The following PRC1 variants were observed in gnomAD, a reference collection of about 807,000 sequenced individuals.
The protein encoded by PRC1 is anaphase spindle elongation 1 homolog.
Under a neutral mutation model 91.2 loss-of-function variants are expected in PRC1, and 54 were observed. The observed-to-expected ratio is 0.59, with a 90% CI of 0.48 to 0.74. The LOEUF (loss-of-function observed/expected upper bound fraction) is 0.74. PRC1 is among the 30% of genes least tolerant of loss of function. PRC1 has a pLI of 0.00. For synonymous variants in PRC1, 275 were observed against 263.6 expected, an observed-to-expected ratio of 1.04 and a Z score of -0.42; for missense variants, 727 against 746.2, an observed-to-expected ratio of 0.97 and a Z score of 0.30.
In PRC1 at chr15:90,984,884, C is replaced by T; in HGVS notation, c.12-59G>A. On this transcript the variant is annotated intron_variant, in intron 1 of 14. Transcript: ENST00000394249. The surrounding 1 kb of genome is among the most constrained non-coding windows in gnomAD (Gnocchi z 5.1). ...TCAGTCACAGCCTCTGGACTAAAAG[C>T]ACTATTTTCGAGAACTAAAAAGACT... 1.3e-6 allele frequency: 2 copies of T among 1,584,298 alleles called. No homozygotes were observed. The highest frequency in any genetic ancestry group is 2.3e-5 in the South Asian group (2 of 86,472).
chr15:90,985,041 T>C (rs956536345), intron 1 of PRC1, among the ~76,000 whole-genome samples: 4 of 152,204 alleles, frequency 2.6e-5, no homozygotes, highest in African/African-American at 9.6e-5. Context: ...TATTACATCA[T>C]GGAAGCTCAA....
intron 1 of PRC1, among the ~76,000 whole-genome samples, chr15:90,990,074 C>T (rs1438910195): frequency 6.6e-6 from 1 of 152,080 alleles, no homozygotes; most frequent in African/African-American, 2.4e-5. Flanking sequence ...TGCGGTGGAT[C>T]ACTCCTGTAA....
intron 14 of PRC1, chr15:90,967,996 T>C: frequency 4.1e-6 from 4 of 985,130 alleles, no homozygotes; most frequent in Non-Finnish European, 4.8e-6. Context: ...CTGGAGCACA[T>C]GGTAGAGCAG....
intron 7 of PRC1, among the ~76,000 whole-genome samples, 180 bp from the exon 8 acceptor site, chr15:90,979,474 A>C (rs534883714): frequency 5.3e-5 from 8 of 152,336 alleles, no homozygotes; most frequent in African/African-American, 1.9e-4. Flanking sequence ...GCTTTGTCAC[A>C]ATCAGCCTGG....
At chr15:90,969,765 TATATATATATATATATATATATA>T (rs1212235957) in intron 12 of PRC1, 142 bp from the exon 13 acceptor site, 1 of 28,988 alleles carries the variant, frequency 3.4e-5, no homozygotes, top group Non-Finnish European at 4.6e-5. Flanking sequence ...AAAAAAAACA[TATATATATATATATATATATATA>T]TATATATATA....
rs375389789 is a variant in PRC1 at position 90,980,407 on chromosome 15, G to A, written c.823-18C>T. ...AATTGCAGCTGAAAGAAAGAAACTTGTTAAGGGTGGCTGCCATAGTTTTAT... is the reference window on the plus strand; with the variant it reads ...AATTGCAGCTGAAAGAAAGAAACTTATTAAGGGTGGCTGCCATAGTTTTAT... On this transcript the variant is annotated intron_variant, in intron 6 of 14. Transcript: ENST00000394249. 3.7e-6 allele frequency: 6 copies of A among 1,604,852 alleles called. No individual in the cohort carries two copies. In the South Asian group the frequency reaches 6.6e-5, roughly 18 times the overall value.
At chr15:90,968,227 A>G (rs2037707718) in intron 14 of PRC1, 4 of 985,354 alleles carry the variant, frequency 4.1e-6, no homozygotes, top group South Asian at 4.7e-5. Context: ...CTGTCCAGCA[A>G]TCAGCCAGAG....
chr15:90,990,288 A>G (rs1056788641), intron 1 of PRC1, among the ~76,000 whole-genome samples: 1 of 151,730 alleles, frequency 6.6e-6, no homozygotes, highest in Non-Finnish European at 1.5e-5. Flanking sequence ...GTGACCTGAG[A>G]TCACGTCACT....
In PRC1 at chr15:90,976,748, T is replaced by C; in HGVS notation, c.1131A>G (p.Arg377=). Residue 377 remains arginine, a synonymous_variant, in exon 9 of 15, where the codon CGA becomes CGG. Coordinates refer to ENST00000394249, the MANE Select transcript of PRC1 (RefSeq NM_003981.4). ...GAAGATTTCCTCCTCGGTTTGTAAA[T>C]CGATTTGGATCTGAAGCTTTTCTCT... is the stretch of plus-strand genomic sequence containing the variant. ...EFERKASDPN[R]FTNRGGNLLK... The C allele has an allele frequency of 6.2e-7, 1 of 1,613,340 alleles. No individual in the cohort carries two copies. Among genetic ancestry groups the C allele is most frequent in the South Asian group, 1.1e-5 (1 of 90,994 alleles).
intron 1 of PRC1, among the ~76,000 whole-genome samples, chr15:90,986,581 T>C (rs1000699513): frequency 9.2e-5 from 14 of 152,168 alleles, no homozygotes; most frequent in Non-Finnish European, 2.1e-4. Flanking sequence ...AAGGTTGCAG[T>C]GAGCCAAGAT....
At position 90,980,865 on chromosome 15, in the gene PRC1, TA is replaced by T; in HGVS notation, c.822+18del. 1 of 1,614,136 alleles carries T rather than the reference TA, an allele frequency of 6.2e-7. No homozygotes were observed. The highest frequency in any genetic ancestry group is 2.2e-5 in the East Asian group (1 of 44,878). On this transcript the variant is annotated intron_variant, in intron 6 of 14. Transcript: ENST00000394249. ...TGCTAAGAGAAGACTGCTGACCCAG[TA>T]CCCACTGGGTTTCTTACCGCTTTCC...
rs529114612 is a variant in PRC1, at chr15:90,967,330, T to C, written c.1792-128A>G. The C allele has an allele frequency of 6.7e-5, 47 of 704,646 alleles. 3 individuals are homozygous for C. In the South Asian group the frequency reaches 7.3e-4, roughly 11 times the overall value. 43.6% of individuals were successfully genotyped at this position (704,646 alleles called of 1,614,324 possible). On this transcript the variant is annotated intron_variant, in intron 14 of 14. Transcript: ENST00000394249. ...TTTCTCTGAGATCCCTAGCCTGCAA[T>C]AGGCTGCGTTAGGAGTAAAAGGTGA...
At chr15:90,982,750 A>G (rs2039302638) in intron 3 of PRC1, 1 of 152,202 alleles carries the variant, frequency 6.6e-6, no homozygotes, top group Admixed American at 6.5e-5. Context: ...CTGTCTCTAA[A>G]TAAATAAAGA....
chr15:90,981,786 GGTTCAGCTCTTCTAAGCTGGGCACTGA>G lies in PRC1; in HGVS notation c.436_462del (p.Ser146_Asn154del). On this transcript the variant is annotated inframe_deletion, in exon 4 of 15. Transcript: ENST00000394249. ...AAAGTTGTCACATGTTGCCTGAACT[GGTTCAGCTCTTCTAAGCTGGGCACTGA>G]GGCACTGTCAATATCATAGTGGGGC... The G allele has an allele frequency of 6.2e-7, 1 of 1,613,918 alleles. No individual in the cohort carries two copies. The highest frequency in any genetic ancestry group is 8.5e-7 in the Non-Finnish European group (1 of 1,179,844).
At chr15:90,978,753 CAAAAAAAAAA>C (rs869065052) in intron 8 of PRC1, among the ~76,000 whole-genome samples, 1 of 39,708 alleles carries the variant, frequency 2.5e-5, no homozygotes, top group Non-Finnish European at 4.4e-5. Context: ...AACTCCACCT[CAAAAAAAAAA>C]AAAAAAAAAA....
chr15:90,977,576 GTTTT>G (rs777558725), intron 8 of PRC1, among the ~76,000 whole-genome samples: 3 of 95,476 alleles, frequency 3.1e-5, no homozygotes, highest in African/African-American at 4.4e-5. Flanking sequence ...CCTTATTTAC[GTTTT>G]TTTTTTTTTT....
At chr15:90,994,010 G>C (rs981775656) in intron 1 of PRC1, among the ~76,000 whole-genome samples, 2 of 152,214 alleles carry the variant, frequency 1.3e-5, no homozygotes, top group Non-Finnish European at 2.9e-5. Context: ...TTTACAACGA[G>C]TCATCTGCGC....
intron 8 of PRC1, among the ~76,000 whole-genome samples, chr15:90,977,696 G>T (rs2151502953): frequency 6.8e-6 from 1 of 146,826 alleles, no homozygotes; most frequent in East Asian, 2.1e-4. Flanking sequence ...CCATTCTCCT[G>T]CCTCAGCCTC....
At chr15:90,968,670 A>G in intron 14 of PRC1, 1 of 1,017,618 alleles carries the variant, frequency 9.8e-7, no homozygotes, top group South Asian at 4.0e-5. Flanking sequence ...CTGAGGGGTT[A>G]GGAAGGCATA....
Sources: gnomAD v4.1 joint callset for allele counts (sites outside exome capture counted in the v4.1 genomes callset) on GRCh38, gnomAD v4.1.1 for gene constraint, Gnocchi (gnomAD v3.1) non-coding constraint, MANE v1.5 for transcripts, NCBI Gene and HGNC (gene_info 2026-07-23, HGNC 2026-07-21) for gene names.